The following FAF1 variants were observed in gnomAD, a reference collection of about 807,000 sequenced individuals.
FAF1 encodes the protein Fas associated factor 1.
Under a neutral mutation model 92.5 loss-of-function variants are expected in FAF1, and 25 were observed. That is an observed-to-expected ratio of 0.27 (90% CI 0.20 to 0.38). The LOEUF (loss-of-function observed/expected upper bound fraction) is 0.38. Among genes scored for constraint, FAF1 ranks in the 10% least tolerant of loss-of-function variants. The probability of loss-of-function intolerance (pLI) is 1.00; values close to 1 mark genes in which losing one functional copy is unlikely to be tolerated. For synonymous variants in FAF1, 234 were observed against 273.2 expected, an observed-to-expected ratio of 0.86 and a Z score of 1.42; for missense variants, 636 against 793.3, an observed-to-expected ratio of 0.80 and a Z score of 2.38.
At chr1:50,920,438 G>A (rs1644953969) in intron 1 of FAF1, among the ~76,000 whole-genome samples, 1 of 152,126 alleles carries the variant, frequency 6.6e-6, no homozygotes, top group Non-Finnish European at 1.5e-5. Flanking sequence ...CTGATTGCCT[G>A]GCTCATGTCA....
chr1:50,847,409 T>A (rs1157578384), intron 2 of FAF1, among the ~76,000 whole-genome samples: 3 of 139,390 alleles, frequency 2.2e-5, no homozygotes, highest in African/African-American at 5.4e-5. Flanking sequence ...AGATAAACTA[T>A]GCCTGAAATT....
intron 1 of FAF1, among the ~76,000 whole-genome samples, chr1:50,869,077 A>G (rs1382755715): frequency 6.6e-6 from 1 of 152,130 alleles, no homozygotes; most frequent in Non-Finnish European, 1.5e-5. Context: ...AGTGTACACA[A>G]ATTTGAAGTG....
chr1:50,528,798 A>C (rs1647980081), intron 15 of FAF1, among the ~76,000 whole-genome samples: 1 of 152,060 alleles, frequency 6.6e-6, no homozygotes, highest in African/African-American at 2.4e-5. Context: ...TTCCTCTAAG[A>C]CAGCAAGGCC....
At chr1:50,837,357 C>A (rs925656366) in intron 2 of FAF1, among the ~76,000 whole-genome samples, 10 of 152,158 alleles carry the variant, frequency 6.6e-5, no homozygotes, top group African/African-American at 2.4e-4. Context: ...GAATCTGGAA[C>A]AACTTCCCCA....
At chr1:50,864,813 T>C (rs1644466478) in intron 1 of FAF1, among the ~76,000 whole-genome samples, 1 of 152,052 alleles carries the variant, frequency 6.6e-6, no homozygotes, top group Non-Finnish European at 1.5e-5. Flanking sequence ...CCAAAAGCAA[T>C]GGCAACAAAA....
chr1:50,603,141 ATCTTG>A (rs1652223761), intron 8 of FAF1, among the ~76,000 whole-genome samples: 1 of 152,226 alleles, frequency 6.6e-6, no homozygotes, highest in Non-Finnish European at 1.5e-5. Flanking sequence ...GCTCTAAGAT[ATCTTG>A]TCTTACTATC....
intron 1 of FAF1, among the ~76,000 whole-genome samples, chr1:50,860,651 GT>G (rs1644425023): frequency 6.6e-6 from 1 of 151,816 alleles, no homozygotes; most frequent in African/African-American, 2.4e-5. Context: ...TACACTGTTG[GT>G]GGAAATACAA....
At chr1:50,844,954 G>C (rs1298620134) in intron 2 of FAF1, among the ~76,000 whole-genome samples, 1 of 152,022 alleles carries the variant, frequency 6.6e-6, no homozygotes, top group Non-Finnish European at 1.5e-5. Context: ...AAAAATAAAG[G>C]TTTAATAAAA....
chr1:50,588,810 T>G (rs1299222916), intron 9 of FAF1, among the ~76,000 whole-genome samples: 1 of 152,166 alleles, frequency 6.6e-6, no homozygotes, highest in East Asian at 1.9e-4. Flanking sequence ...CCAGAGCCAG[T>G]GAAATGCACA....
At chr1:50,882,303 A>G (rs1361569902) in intron 1 of FAF1, among the ~76,000 whole-genome samples, 2 of 152,194 alleles carry the variant, frequency 1.3e-5, no homozygotes, top group Non-Finnish European at 2.9e-5. Context: ...CATTAAATAT[A>G]CATATGTAGG....
chr1:50,762,451 T>C (rs1229470298), intron 4 of FAF1, among the ~76,000 whole-genome samples: 1 of 151,350 alleles, frequency 6.6e-6, no homozygotes, highest in Non-Finnish European at 1.5e-5. Context: ...ACTACAAGGC[T>C]ACAGTAACCA....
chr1:50,694,792 CAAAAA>C (rs371721063), intron 7 of FAF1, among the ~76,000 whole-genome samples: 3 of 55,846 alleles, frequency 5.4e-5, no homozygotes, highest in African/African-American at 1.2e-4. Flanking sequence ...CTAAAAAATA[CAAAAA>C]AAAAAAAAAA....
chr1:50,847,947 C>T (rs1177095073), intron 2 of FAF1, among the ~76,000 whole-genome samples: 1 of 151,728 alleles, frequency 6.6e-6, no homozygotes, highest in East Asian at 1.9e-4. Context: ...AAAACAAACA[C>T]AAAGAAACAT....
At chr1:50,513,778 G>A (rs1572798550) in intron 15 of FAF1, among the ~76,000 whole-genome samples, 1 of 152,294 alleles carries the variant, frequency 6.6e-6, no homozygotes, top group East Asian at 1.9e-4. Flanking sequence ...TGGCCAGGAA[G>A]GGACTTTTAT....
intron 8 of FAF1, among the ~76,000 whole-genome samples, chr1:50,598,058 C>T (rs146218618): frequency 0.013 from 1,967 of 152,198 alleles, 35 homozygotes; most frequent in African/African-American, 0.046. Flanking sequence ...CTTTGCAAGG[C>T]TGAGTCAGGA....
chr1:50,949,722 T>C lies in FAF1; in HGVS notation c.45+10045A>G, dbSNP rs569244701. Among the ~76,000 whole-genome samples the C allele has an allele frequency of 2.0e-5, 3 of 152,352 alleles. No homozygotes were observed. The South Asian group carries it at 6.2e-4, about 32-fold the overall frequency. ...GTTTGGCCCTCAGGCTGTAATATTC[T>C]GACCCCTAATCTAGGTCAGTTATCT... is the stretch of plus-strand genomic sequence containing the variant. On this transcript the variant is annotated intron_variant, in intron 1 of 18. Transcript: ENST00000396153.
chr1:50,447,121 C>CTTTTTTTTTTTTTTTTTTTT (rs61612294), intron 18 of FAF1, among the ~76,000 whole-genome samples: 2 of 112,856 alleles, frequency 1.8e-5, no homozygotes, highest in East Asian at 2.5e-4. Context: ...CATATTCCTG[C>CTTTTTTTTTTTTTTTTTTTT]TTTTTTTTTT....
At chr1:50,584,492 A>G (rs1189695942) in intron 10 of FAF1, among the ~76,000 whole-genome samples, 193 bp downstream of exon 10, 1 of 152,130 alleles carries the variant, frequency 6.6e-6, no homozygotes, top group Admixed American at 6.5e-5. Flanking sequence ...TTCCTAATGC[A>G]CTGAGAATTT....
At chr1:50,533,079 C>T (rs1648266396) in intron 15 of FAF1, among the ~76,000 whole-genome samples, 1 of 151,950 alleles carries the variant, frequency 6.6e-6, no homozygotes, top group African/African-American at 2.4e-5. Flanking sequence ...GCCTCCCAAA[C>T]TGCTAGGATT....
Sources: allele counts gnomAD v4.1 joint callset (sites outside exome capture counted in the v4.1 genomes callset), GRCh38; gene constraint gnomAD v4.1.1; transcripts MANE v1.5; gene names NCBI Gene and HGNC (gene_info 2026-07-23, HGNC 2026-07-21).